The following PAM variants were observed in gnomAD, a reference collection of about 807,000 sequenced individuals.
The protein encoded by PAM is peptidylglycine alpha-amidating monooxygenase.
In PAM, 72 loss-of-function variants were observed where a neutral mutation model predicts 122.1. That is an observed-to-expected ratio of 0.59 (90% CI 0.49 to 0.72). PAM has a LOEUF of 0.72. Among genes scored for constraint, PAM ranks in the 30% least tolerant of loss-of-function variants. PAM has a pLI of 0.00. For missense variants in PAM, 1,106 were observed against 1,183.7 expected, an observed-to-expected ratio of 0.93 and a Z score of 0.96; for synonymous variants, 389 against 404.4, an observed-to-expected ratio of 0.96 and a Z score of 0.46.
chr5:102,783,580 C>T (rs1759632342), intron 1 of PAM, among the ~76,000 whole-genome samples: 1 of 152,164 alleles, frequency 6.6e-6, no homozygotes, highest in South Asian at 2.1e-4. Flanking sequence ...AAATAATTTG[C>T]AGATTCCAAA....
At chr5:102,771,082 G>A (rs1318082318) in intron 1 of PAM, among the ~76,000 whole-genome samples, 5 of 151,942 alleles carry the variant, frequency 3.3e-5, no homozygotes, top group Admixed American at 2.0e-4. Flanking sequence ...TGAAGATTGC[G>A]GCTATGTAGA....
rs754660637 is a variant in PAM, at chr5:103,007,458, G to A, written c.2016G>A (p.Glu672=). The A allele has an allele frequency of 3.7e-6, 6 of 1,613,698 alleles. No homozygotes were observed. The South Asian group carries it at 6.6e-5, about 18-fold the overall frequency. Residue 672 remains glutamate, a splice_region_variant and synonymous_variant, in exon 20 of 26, where the codon GAG becomes GAA. Transcript: ENST00000438793. ...SGKFITQWGE[E]SSGSSPLPGQ... The stretch of plus-strand genomic sequence containing the variant: ...CTAAGGCTTTTTTTTGTTCTGCAGA[G>A]TCTTCAGGGAGCAGTCCTCTGCCAG...
intron 3 of PAM, among the ~76,000 whole-genome samples, chr5:102,869,311 A>G (rs975675743): frequency 1.3e-5 from 2 of 152,222 alleles, no homozygotes; most frequent in Admixed American, 1.3e-4. Context: ...TTGTCTTGCT[A>G]GGGTCTGCTG....
intron 1 of PAM, among the ~76,000 whole-genome samples, chr5:102,779,918 T>TATATATATATATACACACACACAC (rs147065045): frequency 5.2e-5 from 5 of 95,672 alleles, no homozygotes; most frequent in African/African-American, 1.8e-4. Context: ...TATATATATA[T>TATATATATATATACACACACACAC]ACACACATAT....
intron 7 of PAM, among the ~76,000 whole-genome samples, chr5:102,939,113 T>C (rs1387357563): frequency 6.6e-6 from 1 of 152,164 alleles, no homozygotes; most frequent in Non-Finnish European, 1.5e-5. Flanking sequence ...ACCATTCAAA[T>C]ATAATGTTTA....
chr5:102,985,895 T>C (rs1453947064), intron 15 of PAM, among the ~76,000 whole-genome samples: 1 of 152,144 alleles, frequency 6.6e-6, no homozygotes, highest in Non-Finnish European at 1.5e-5. Context: ...TAATGCATCA[T>C]GAGCAAGTGA....
intron 16 of PAM, among the ~76,000 whole-genome samples, chr5:102,992,087 G>C (rs1367242172): frequency 6.6e-6 from 1 of 152,144 alleles, no homozygotes; most frequent in East Asian, 1.9e-4. Flanking sequence ...GGTGGAAGAT[G>C]AAGTAAGACT....
intron 1 of PAM, among the ~76,000 whole-genome samples, chr5:102,770,738 T>G (rs1755525008): frequency 6.6e-6 from 1 of 152,104 alleles, no homozygotes; most frequent in Non-Finnish European, 1.5e-5. Flanking sequence ...TGAATGATCT[T>G]TATTTGCTAT....
intron 5 of PAM, among the ~76,000 whole-genome samples, chr5:102,919,934 G>T (rs77166355): frequency 1.3e-5 from 2 of 152,066 alleles, no homozygotes; most frequent in East Asian, 3.9e-4. Context: ...GAATGTTACA[G>T]TTGGAACCCT....
At chr5:103,000,359 C>G (rs1015303404) in intron 16 of PAM, among the ~76,000 whole-genome samples, 2 of 152,170 alleles carry the variant, frequency 1.3e-5, no homozygotes, top group East Asian at 3.9e-4. Context: ...CTTCATTGTT[C>G]ATATCACTAT....
chr5:103,009,887 G>A, intron 21 of PAM, 21 bp downstream of exon 21: 1 of 1,279,052 alleles, frequency 7.8e-7, no homozygotes, highest in Non-Finnish European at 1.1e-6. Context: ...ACATTGTCTA[G>A]GTTTCAATTT....
chr5:103,003,194 T>G (rs759497248), intron 17 of PAM, 45 bp downstream of exon 17: 10 of 881,336 alleles, frequency 1.1e-5, no homozygotes, highest in East Asian at 2.4e-5. Context: ...CTACATATAT[T>G]GAGTATAAAG....
At chr5:102,773,247 T>C (rs1431384777) in intron 1 of PAM, among the ~76,000 whole-genome samples, 1 of 152,146 alleles carries the variant, frequency 6.6e-6, no homozygotes, top group Non-Finnish European at 1.5e-5. Context: ...AGTATGAAGA[T>C]ATATAGTTGT....
intron 1 of PAM, among the ~76,000 whole-genome samples, chr5:102,841,731 C>G (rs1370013311): frequency 6.6e-6 from 1 of 151,786 alleles, no homozygotes; most frequent in South Asian, 2.1e-4. Context: ...TTCTTGAACT[C>G]GAAAATATAG....
intron 3 of PAM, among the ~76,000 whole-genome samples, chr5:102,894,443 T>C (rs1220812039): frequency 6.6e-6 from 1 of 151,710 alleles, no homozygotes; most frequent in Non-Finnish European, 1.5e-5. Flanking sequence ...CTGATTTTTC[T>C]CTGAACTCCT....
chr5:102,932,612 T>TGGGTGACAGA, intron 7 of PAM, among the ~76,000 whole-genome samples: 1 of 149,258 alleles, frequency 6.7e-6, no homozygotes, highest in Admixed American at 6.7e-5. Flanking sequence ...CACTCCAGCC[T>TGGGTGACAGA]GGGTGACAGA....
At chr5:102,889,832 A>C (rs1211917604) in intron 3 of PAM, among the ~76,000 whole-genome samples, 1 of 151,802 alleles carries the variant, frequency 6.6e-6, no homozygotes, top group African/African-American at 2.4e-5. Context: ...CCAAGTCAGC[A>C]CTTTGGTCTC....
At chr5:102,919,184 C>A (rs1418938501) in intron 5 of PAM, among the ~76,000 whole-genome samples, 1 of 152,028 alleles carries the variant, frequency 6.6e-6, no homozygotes, top group East Asian at 1.9e-4. Flanking sequence ...TATTAACCAC[C>A]TGCTGTGTCT....
At chr5:103,018,408 C>A (rs951709461) in intron 22 of PAM, among the ~76,000 whole-genome samples, 2 of 152,146 alleles carry the variant, frequency 1.3e-5, no homozygotes, top group African/African-American at 4.8e-5. Context: ...GCTTGGATCT[C>A]AATTAATTTG....
Sources: gnomAD v4.1 joint callset for allele counts (sites outside exome capture counted in the v4.1 genomes callset) on GRCh38, gnomAD v4.1.1 for gene constraint, MANE v1.5 for transcripts, NCBI Gene and HGNC (gene_info 2026-07-23, HGNC 2026-07-21) for gene names.